BMERB1: variants seen among roughly 807,000 people sequenced by gnomAD.
BMERB1 encodes the protein bMERB domain-containing protein 1.
BMERB1 carries 12 observed loss-of-function variants against 23.6 expected under a neutral mutation model. The ratio of observed to expected loss-of-function variants is 0.51; its 90% CI spans 0.33 to 0.82. BMERB1 has a LOEUF of 0.82. BMERB1 is among the 40% of genes least tolerant of loss of function. The probability of loss-of-function intolerance (pLI) is 0.03; values close to 1 mark genes in which losing one functional copy is unlikely to be tolerated. For synonymous variants in BMERB1, 122 were observed against 96.6 expected (o/e 1.26, Z -1.54); for missense variants, 247 against 255.4 (o/e 0.97, Z 0.22).
intron 1 of BMERB1, among the ~76,000 whole-genome samples, chr16:15,498,748 C>T (rs577249502): frequency 2.0e-5 from 3 of 152,106 alleles, no homozygotes; most frequent in Non-Finnish European, 2.9e-5. Flanking sequence ...AGTCTAAACC[C>T]GTGGTTTTCA....
intron 1 of BMERB1, among the ~76,000 whole-genome samples, chr16:15,490,284 C>T (rs1173948054): frequency 1.3e-5 from 2 of 152,178 alleles, no homozygotes; most frequent in African/African-American, 4.8e-5. Flanking sequence ...ACCAGGCCTG[C>T]ACTGGCATAT....
In BMERB1 at chr16:15,512,442, A is replaced by G. The variant is rs551926732; in HGVS notation, c.107-2863A>G. On this transcript the variant is annotated intron_variant, in intron 1 of 5. Transcript: ENST00000300006. ...GGACATAGAAGGCAGTTGGACAGGT[A>G]GAAACAGGACAACTTTCTCTGGGCA... Among the ~76,000 whole-genome samples, 70 of 152,300 alleles carry G rather than the reference A, an allele frequency of 4.6e-4. 1 individual carries two copies. Among genetic ancestry groups the G allele is most frequent in the African/African-American group, 1.6e-3 (67 of 41,574 alleles).
chr16:15,465,610 C>T (rs937091319), intron 1 of BMERB1, among the ~76,000 whole-genome samples: 2 of 152,126 alleles, frequency 1.3e-5, no homozygotes, highest in African/African-American at 2.4e-5. Context: ...GCCTTGGCCT[C>T]CCAAAGTGCT....
chr16:15,462,679 A>G (rs2051146160), intron 1 of BMERB1, among the ~76,000 whole-genome samples: 1 of 152,310 alleles, frequency 6.6e-6, no homozygotes, highest in South Asian at 2.1e-4. Flanking sequence ...AGCGTTCAAG[A>G]GTCTGAGAGA....
At position 15,434,669 on chromosome 16, in the gene BMERB1, T is replaced by C; in HGVS notation, c.16T>C (p.Ser6Pro). 6.2e-7 allele frequency: 1 copy of C among 1,613,730 alleles called. No individual in the cohort carries two copies. Among genetic ancestry groups the C allele is most frequent in the Non-Finnish European group, 8.5e-7 (1 of 1,179,814 alleles). Residue 6 changes from serine (S) to proline (P), a missense_variant, in exon 1 of 6, where the codon TCT becomes CCT. Transcript: ENST00000300006. MELKQ[S>P]LSTHLEAEKP... ...GGGATCAGCGATGGAATTAAAGCAA[T>C]CTTTGTCCACCCATCTGGAAGCCGA...
intron 1 of BMERB1, among the ~76,000 whole-genome samples, chr16:15,473,283 T>A (rs1051215257): frequency 6.6e-6 from 1 of 151,288 alleles, no homozygotes; most frequent in Non-Finnish European, 1.5e-5. Context: ...GAATTTCCTT[T>A]AGCCTTTTTT....
chr16:15,527,675 G>A (rs1291974898), intron 2 of BMERB1, among the ~76,000 whole-genome samples: 2 of 152,126 alleles, frequency 1.3e-5, no homozygotes, highest in South Asian at 2.1e-4. Flanking sequence ...ATTTCTAAGG[G>A]GAAAATGCTG....
chr16:15,515,588 A>G (rs1304319012), intron 2 of BMERB1, among the ~76,000 whole-genome samples, 160 bp downstream of exon 2: 1 of 152,158 alleles, frequency 6.6e-6, no homozygotes, highest in East Asian at 1.9e-4. Flanking sequence ...AGGGAAGTGG[A>G]TATTGTCATC....
intron 1 of BMERB1, among the ~76,000 whole-genome samples, chr16:15,441,885 G>A (rs952869987): frequency 1.3e-5 from 2 of 152,204 alleles, no homozygotes; most frequent in African/African-American, 4.8e-5. Context: ...AGCGGGGCAA[G>A]TGATGATCAA....
chr16:15,442,693 T>C (rs1567447234), intron 1 of BMERB1, among the ~76,000 whole-genome samples: 1 of 152,154 alleles, frequency 6.6e-6, no homozygotes, highest in African/African-American at 2.4e-5. Flanking sequence ...CCCTATGACA[T>C]AAGGAGAATT....
chr16:15,437,931 C>G (rs1484621541), intron 1 of BMERB1, among the ~76,000 whole-genome samples: 2 of 151,592 alleles, frequency 1.3e-5, no homozygotes, highest in African/African-American at 4.8e-5. Context: ...GCACTCCAGC[C>G]TGGGTGACAG....
chr16:15,576,413 G>T (rs773647739), intron 3 of BMERB1, among the ~76,000 whole-genome samples: 5 of 152,114 alleles, frequency 3.3e-5, no homozygotes, highest in African/African-American at 4.8e-5. Context: ...GAACCGCCAG[G>T]CCTGTTCCCC....
At position 15,494,565 on chromosome 16, in the gene BMERB1, A is replaced by C. The variant is rs1258714305; in HGVS notation, c.107-20740A>C. On this transcript the variant is annotated intron_variant, in intron 1 of 5. Coordinates refer to ENST00000300006, the MANE Select transcript of BMERB1 (RefSeq NM_033201.3). ...TCTGGAAGTCCCACCTGGGAACTGC[A>C]GTCCCAATCTGTGGCAAAGTCTTGT... is the stretch of plus-strand genomic sequence containing the variant. Among the ~76,000 whole-genome samples the C allele has an allele frequency of 3.9e-5, 6 of 152,200 alleles. No individual in the cohort carries two copies. The East Asian group carries it at 1.2e-3, about 29-fold the overall frequency.
intron 2 of BMERB1, among the ~76,000 whole-genome samples, chr16:15,523,971 C>T (rs1233364559): frequency 6.6e-6 from 1 of 152,162 alleles, no homozygotes; most frequent in African/African-American, 2.4e-5. Flanking sequence ...TTAAGTGCAA[C>T]TCTACCCTGG....
chr16:15,488,279 G>A (rs2150937996), intron 1 of BMERB1, among the ~76,000 whole-genome samples: 1 of 152,172 alleles, frequency 6.6e-6, no homozygotes, highest in Non-Finnish European at 1.5e-5. Flanking sequence ...TTGATTCCAC[G>A]CTGACCCCTT....
chr16:15,477,166 A>C (rs1030319582), intron 1 of BMERB1, among the ~76,000 whole-genome samples: 1 of 152,112 alleles, frequency 6.6e-6, no homozygotes. Flanking sequence ...ACCCTTCCAC[A>C]TGTCTGGGGA....
At chr16:15,482,360 T>C (rs2078930095) in intron 1 of BMERB1, among the ~76,000 whole-genome samples, 1 of 152,054 alleles carries the variant, frequency 6.6e-6, no homozygotes. Context: ...AGCCATGAGG[T>C]GAGCAGAGAC....
At chr16:15,495,601 C>T (rs1340025283) in intron 1 of BMERB1, among the ~76,000 whole-genome samples, 5 of 151,830 alleles carry the variant, frequency 3.3e-5, no homozygotes, top group African/African-American at 9.7e-5. Context: ...CTCCTGACCT[C>T]GTGATCTGCC....
At chr16:15,525,207 C>G (rs1215127869) in intron 2 of BMERB1, among the ~76,000 whole-genome samples, 1 of 152,152 alleles carries the variant, frequency 6.6e-6, no homozygotes. Flanking sequence ...GAGGGAACTC[C>G]TGCTGCCTGA....
Sources: gnomAD v4.1 joint callset for allele counts (sites outside exome capture counted in the v4.1 genomes callset) on GRCh38, gnomAD v4.1.1 for gene constraint, MANE v1.5 for transcripts, NCBI Gene and HGNC (gene_info 2026-07-23, HGNC 2026-07-21) for gene names.